Variants in ACSF3 observed in about 807,000 individuals in gnomAD.
The protein encoded by ACSF3 is acyl-CoA synthetase family member 3, also known as malonate--CoA ligase ACSF3, mitochondrial.
Under a neutral mutation model 53.2 loss-of-function variants are expected in ACSF3, and 78 were observed. The ratio of observed to expected loss-of-function variants is 1.47; its 90% CI spans 1.22 to 1.77. The LOEUF (loss-of-function observed/expected upper bound fraction) is 1.77. Among genes scored for constraint, ACSF3 ranks in the 40% most tolerant of loss-of-function variants. The pLI, the probability that ACSF3 is intolerant of heterozygous loss-of-function variation, is 0.00. For missense variants in ACSF3, 937 were observed against 771.1 expected (o/e 1.22, Z -2.55); for synonymous variants, 414 against 333.1 (o/e 1.24, Z -2.65).
intron 7 of ACSF3, among the ~76,000 whole-genome samples, chr16:89,131,134 T>C (rs989618755): frequency 6.1e-5 from 8 of 130,540 alleles, no homozygotes; most frequent in East Asian, 4.3e-4. Flanking sequence ...TTTCTTTTTT[T>C]TTTTTTTTTT....
chr16:89,117,977 T>TGC (rs1905549058), intron 6 of ACSF3, among the ~76,000 whole-genome samples: 3 of 25,412 alleles, frequency 1.2e-4, no homozygotes, highest in African/African-American at 3.4e-4. Context: ...GCCAAGGACA[T>TGC]TCCCTCTTCT....
chr16:89,106,367 A>G (rs1763301657), intron 4 of ACSF3, among the ~76,000 whole-genome samples: 1 of 150,968 alleles, frequency 6.6e-6, no homozygotes, highest in Non-Finnish European at 1.5e-5. Context: ...ATCTCGGCTC[A>G]CTGCAACCTC....
chr16:89,114,922 G>T (rs1351984039), intron 6 of ACSF3: 1 of 330,972 alleles, frequency 3.0e-6, no homozygotes, highest in Non-Finnish European at 6.0e-6. Context: ...GTGGTGGGCA[G>T]GGTGGGATGA....
intron 10 of ACSF3, 27 bp from the exon 11 acceptor site, chr16:89,154,063 C>A: frequency 6.2e-7 from 1 of 1,604,004 alleles, no homozygotes; most frequent in Non-Finnish European, 8.5e-7. Context: ...CAGGGCAGTG[C>A]GCCTCAGGCT....
At chr16:89,144,230 G>A (rs1912452021) in intron 8 of ACSF3, among the ~76,000 whole-genome samples, 1 of 152,274 alleles carries the variant, frequency 6.6e-6, no homozygotes, top group Middle Eastern at 3.2e-3. Flanking sequence ...TCTGTGTTGA[G>A]CTACTCGAGA....
chr16:89,112,334 T>G (rs1001744675), intron 5 of ACSF3, 88 bp downstream of exon 5: 32 of 1,546,972 alleles, frequency 2.1e-5, no homozygotes, highest in Admixed American at 1.7e-4. Flanking sequence ...CCTACTAAGT[T>G]CTGGGAAGCA....
intron 8 of ACSF3, chr16:89,136,490 G>A (rs1005775204): frequency 1.6e-6 from 2 of 1,216,616 alleles, no homozygotes; most frequent in South Asian, 1.4e-5. Flanking sequence ...GCTCCTGCCG[G>A]GAGAGCATGA....
chr16:89,120,752 A>G (rs768659387), intron 6 of ACSF3, 49 bp from the exon 7 acceptor site: 2 of 1,557,876 alleles, frequency 1.3e-6, no homozygotes, highest in Non-Finnish European at 1.8e-6. Context: ...TCTCTCCTCC[A>G]GGTTCCTCTC....
At chr16:89,114,982 C>A (rs1299328941) in intron 6 of ACSF3, 1 of 260,984 alleles carries the variant, frequency 3.8e-6, no homozygotes, top group East Asian at 9.5e-5. Flanking sequence ...ATACCGGGCC[C>A]CTCTTGTCCA....
chr16:89,135,219 A>C (rs1910181783), intron 8 of ACSF3, among the ~76,000 whole-genome samples: 1 of 152,204 alleles, frequency 6.6e-6, no homozygotes. Flanking sequence ...CATCTGCCCC[A>C]TGCCCTTCCA....
At chr16:89,136,065 G>A (rs1910397063) in intron 8 of ACSF3, among the ~76,000 whole-genome samples, 1 of 152,276 alleles carries the variant, frequency 6.6e-6, no homozygotes, top group South Asian at 2.1e-4. Context: ...GTCAGCCACT[G>A]CGTCTGGCCG....
chr16:89,140,936 A>G (rs1458008169), intron 8 of ACSF3: 2 of 550,464 alleles, frequency 3.6e-6, no homozygotes, highest in East Asian at 7.1e-5. Flanking sequence ...AACTCCTTTA[A>G]TGAACACATC....
At position 89,112,239 on chromosome 16, in the gene ACSF3, A is replaced by G. The variant is rs776500851; in HGVS notation, c.970A>G (p.Lys324Glu). Reference protein sequence around the residue: ...QDFLRAVCEEKIRLMVSGSAA... With the variant: ...QDFLRAVCEEEIRLMVSGSAA... ...TTTCTTGCGTGCAGTTTGTGAAGAA[A>G]AAATTAGGTAAGTGAAAAGAGCCCA... Residue 324 changes from lysine to glutamate, a missense_variant, in exon 5 of 11, where the codon AAA becomes GAA. By Grantham distance (56) the Lys-to-Glu change is moderately conservative (BLOSUM62 1). Coordinates refer to ENST00000614302, the MANE Select transcript of ACSF3 (RefSeq NM_001243279.3). 9 of 1,614,204 alleles carry G rather than the reference A, an allele frequency of 5.6e-6. No homozygotes were observed. In the South Asian group the frequency reaches 9.9e-5, roughly 18 times the overall value.
In ACSF3 at chr16:89,137,309, C is replaced by T. The variant is rs1316825733; in HGVS notation, c.1366+4047C>T. ...GGTCTCGGGAGGACCACCAGGAGCTCACGGGGAAGGATTGAGGGGAAGAGC... is the reference window on the plus strand; with the variant it reads ...GGTCTCGGGAGGACCACCAGGAGCTTACGGGGAAGGATTGAGGGGAAGAGC... On this transcript the variant is annotated intron_variant, in intron 8 of 10. Coordinates refer to ENST00000614302, the MANE Select transcript of ACSF3 (RefSeq NM_001243279.3). Among the ~76,000 whole-genome samples the T allele has an allele frequency of 1.6e-3, 233 of 142,048 alleles. 1 individual carries two copies. The highest frequency in any genetic ancestry group is 5.9e-3 in the African/African-American group (212 of 36,006). The allele number at this position is 142,048 out of a possible 152,430, so 93.2% of individuals were successfully genotyped here. A position where few individuals can be genotyped will look rare whatever the true frequency, so the allele number is the denominator to read the frequency against.
intron 8 of ACSF3, among the ~76,000 whole-genome samples, chr16:89,139,596 T>C (rs894609678): frequency 6.8e-6 from 1 of 147,226 alleles, no homozygotes. Flanking sequence ...TTTCTGTTTT[T>C]TTTTTTTTTT....
intron 8 of ACSF3, chr16:89,140,944 A>G: frequency 1.4e-5 from 9 of 630,960 alleles, no homozygotes; most frequent in Non-Finnish European, 2.1e-5. Context: ...TAATGAACAC[A>G]TCAGGCCGAG....
chr16:89,101,212 A>G lies in ACSF3; in HGVS notation c.531A>G (p.Gly177=). ...LLPLTPAIYT[G]AVEEPAEVPV... is the part of the protein sequence containing the mutation. ...CGCTCACACCAGCCATCTACACTGG[A>G]GCAGTAGAGGAACCGGCAGAGGTCC... The change falls in exon 3 of 11, where the codon GGA becomes GGG. Residue 177 remains glycine, a synonymous_variant. Coordinates refer to ENST00000614302, the MANE Select transcript of ACSF3 (RefSeq NM_001243279.3). The G allele has an allele frequency of 1.2e-6, 2 of 1,605,736 alleles. No homozygotes were observed. Among genetic ancestry groups the G allele is most frequent in the Non-Finnish European group, 1.7e-6 (2 of 1,176,352 alleles).
At chr16:89,145,064 A>T in intron 8 of ACSF3, 2 of 1,417,576 alleles carry the variant, frequency 1.4e-6, no homozygotes, top group East Asian at 2.5e-5. Context: ...CCACCTTGGG[A>T]CGCACGTCGT....
At chr16:89,107,005 C>T (rs1475981402) in intron 4 of ACSF3, among the ~76,000 whole-genome samples, 2 of 152,232 alleles carry the variant, frequency 1.3e-5, no homozygotes, top group African/African-American at 4.8e-5. Context: ...ACAGCACTGC[C>T]CTGGCCGACT....
Sources: gnomAD v4.1 joint callset for allele counts (sites outside exome capture counted in the v4.1 genomes callset) on GRCh38, gnomAD v4.1.1 for gene constraint, MANE v1.5 for transcripts, NCBI Gene and HGNC (gene_info 2026-07-23, HGNC 2026-07-21) for gene names.